TBC1D12: variants seen among roughly 807,000 people sequenced by gnomAD.
The protein encoded by TBC1D12 is TBC1 domain family member 12, also known as TBC1 domain family, member 12.
Under a neutral mutation model 86.7 loss-of-function variants are expected in TBC1D12, and 56 were observed. The observed-to-expected ratio is 0.65, with a 90% CI of 0.52 to 0.81. TBC1D12 has a LOEUF of 0.81. TBC1D12 is among the 30% of genes least tolerant of loss of function. The probability of loss-of-function intolerance (pLI) is 0.00; values close to 1 mark genes in which losing one functional copy is unlikely to be tolerated. For missense variants in TBC1D12, 1,023 were observed against 1,038.8 expected (o/e 0.98, Z 0.21); for synonymous variants, 421 against 411.7 (o/e 1.02, Z -0.27).
chr10:94,426,325 G>C (rs1227386828), intron 1 of TBC1D12, among the ~76,000 whole-genome samples: 2 of 151,914 alleles, frequency 1.3e-5, no homozygotes, highest in Non-Finnish European at 2.9e-5. Context: ...TTTATGTTTT[G>C]GTAGATGCCT....
At chr10:94,425,133 C>T (rs1418041192) in intron 1 of TBC1D12, among the ~76,000 whole-genome samples, 2 of 152,212 alleles carry the variant, frequency 1.3e-5, no homozygotes, top group Non-Finnish European at 2.9e-5. Context: ...ACTCCTCTGG[C>T]ACTACCTCTG....
At chr10:94,478,057 G>A (rs1488806836) in intron 3 of TBC1D12, among the ~76,000 whole-genome samples, 7 of 151,888 alleles carry the variant, frequency 4.6e-5, no homozygotes, top group Admixed American at 4.6e-4. Context: ...GAAGCAGGAG[G>A]ATCGCTTGAG....
At chr10:94,482,675 C>T (rs989376359) in intron 3 of TBC1D12, among the ~76,000 whole-genome samples, 1 of 152,014 alleles carries the variant, frequency 6.6e-6, no homozygotes, top group Non-Finnish European at 1.5e-5. Flanking sequence ...GTTGTGAACT[C>T]CCGACCTCAG....
chr10:94,439,152 C>T, intron 1 of TBC1D12, among the ~76,000 whole-genome samples: 1 of 152,042 alleles, frequency 6.6e-6, no homozygotes. Context: ...GAGACTGACC[C>T]CTAGATCTTT....
chr10:94,497,459 T>A (rs537319175), intron 5 of TBC1D12, among the ~76,000 whole-genome samples: 1 of 151,508 alleles, frequency 6.6e-6, no homozygotes, highest in Non-Finnish European at 1.5e-5. Context: ...CTTTTGTAAA[T>A]CCCTCAGTGT....
chr10:94,403,168 G>C lies in TBC1D12; in HGVS notation c.555G>C (p.Ala185=). ...CTGGCGACGAGGACGCGGACGGCGC[G>C]GGAAGCCCGTCCGATTGGGCCTCTC... ...EGPGDEDADG[A]GSPSDWASPL... is the part of the protein sequence containing the mutation. The change falls in exon 1 of 13, where the codon GCG becomes GCC. Residue 185 remains alanine, a synonymous_variant. Coordinates refer to ENST00000225235, the MANE Select transcript of TBC1D12 (RefSeq NM_015188.2). 1.4e-6 allele frequency: 2 copies of C among 1,454,886 alleles called. No homozygotes were observed. Among genetic ancestry groups the C allele is most frequent in the South Asian group, 1.4e-5 (1 of 71,112 alleles). The allele number at this position is 1,454,886 out of a possible 1,614,324, so 90.1% of individuals were successfully genotyped here. A position where few individuals can be genotyped will look rare whatever the true frequency, so the allele number is the denominator to read the frequency against.
At chr10:94,465,169 T>C (rs1265741045) in intron 2 of TBC1D12, among the ~76,000 whole-genome samples, 2 of 152,254 alleles carry the variant, frequency 1.3e-5, no homozygotes, top group East Asian at 3.8e-4. Flanking sequence ...TTTCTTGCAC[T>C]TTGCATGGAT....
chr10:94,493,406 G>T lies in TBC1D12; in HGVS notation c.1253G>T (p.Arg418Leu), dbSNP rs757453586. 6.2e-7 allele frequency: 1 copy of T among 1,612,700 alleles called. No homozygotes were observed. The highest frequency in any genetic ancestry group is 8.5e-7 in the Non-Finnish European group (1 of 1,179,746). Residue 418 changes from arginine to leucine, a missense_variant, in exon 4 of 13, where the codon CGA (arginine) becomes CTA (leucine). Coordinates refer to ENST00000225235, the MANE Select transcript of TBC1D12 (RefSeq NM_015188.2). Reference sequence around the variant, plus strand: ...TCTGTGGAAGAAGCTTTACGTCACCGACAAGAATACGATGAGATGGTGGCT... The same window carrying T: ...TCTGTGGAAGAAGCTTTACGTCACCTACAAGAATACGATGAGATGGTGGCT... ...AKSVEEALRHRQEYDEMVAEA... is the reference protein window; with the variant it reads ...AKSVEEALRHLQEYDEMVAEA...
At chr10:94,470,647 A>G (rs1035644200) in intron 2 of TBC1D12, among the ~76,000 whole-genome samples, 1 of 145,562 alleles carries the variant, frequency 6.9e-6, no homozygotes, top group Non-Finnish European at 1.5e-5. Flanking sequence ...ATAGGCGTGA[A>G]CCTCTGTGCC....
intron 1 of TBC1D12, among the ~76,000 whole-genome samples, chr10:94,438,147 T>G (rs1187664431): frequency 6.6e-6 from 1 of 152,106 alleles, no homozygotes; most frequent in African/African-American, 2.4e-5. Flanking sequence ...TAATTTTTTG[T>G]TGTTGACAAC....
At position 94,414,320 on chromosome 10, in the gene TBC1D12, C is replaced by G. The variant is rs756505907; in HGVS notation, c.971+10736C>G. ...TTGGAAGGAAGTATAGTACGAGAAA[C>G]TATTAGAGAATGAGTTTGAAGATAT... On this transcript the variant is annotated intron_variant, in intron 1 of 12. Coordinates refer to ENST00000225235, the MANE Select transcript of TBC1D12 (RefSeq NM_015188.2). Among the ~76,000 whole-genome samples, 16 of 152,230 alleles carry G rather than the reference C, an allele frequency of 1.1e-4. No homozygotes were observed. The East Asian group carries it at 1.2e-3, about 11-fold the overall frequency.
At position 94,529,138 on chromosome 10, in the gene TBC1D12, G is replaced by C. The variant is rs556749804; in HGVS notation, c.2001-2064G>C. Among the ~76,000 whole-genome samples the C allele has an allele frequency of 3.3e-5, 5 of 152,006 alleles. No individual in the cohort carries two copies. The South Asian group carries it at 8.3e-4, about 25-fold the overall frequency. The stretch of plus-strand genomic sequence containing the variant: ...CAGTCTGCCCACCTCAGCCTCTCGA[G>C]TATCTGGGGCTACAGGCAAACCACT... On this transcript the variant is annotated intron_variant, in intron 11 of 12. Transcript: ENST00000225235.
chr10:94,435,380 G>C (rs186946538), intron 1 of TBC1D12, among the ~76,000 whole-genome samples: 6 of 152,102 alleles, frequency 3.9e-5, no homozygotes, highest in Admixed American at 1.3e-4. Context: ...GGTTTCTTAG[G>C]TTTTGCTAAG....
chr10:94,506,681 TG>T (rs1253697127), intron 6 of TBC1D12, among the ~76,000 whole-genome samples: 1 of 152,172 alleles, frequency 6.6e-6, no homozygotes, highest in Non-Finnish European at 1.5e-5. Flanking sequence ...TTTTGTTTGT[TG>T]GTGACACACA....
Position 94,521,991 on chromosome 10 carries a change from C to T in TBC1D12, c.1798C>T (p.Leu600Phe). Residue 600 changes from leucine to phenylalanine, a missense_variant, in exon 10 of 13, where the codon CTC (leucine) becomes TTC (phenylalanine). Physicochemically the swap from Leu to Phe is conservative, Grantham distance 22 (BLOSUM62 0). Around this residue, in one of 2 missense-constraint regions of TBC1D12, gnomAD observed 395 missense variants for 507.7 expected, o/e 0.78. Transcript: ENST00000225235. ...GMSFIAAVLI[L>F]NLEEADAFIA... Reference sequence around the variant, plus strand: ...GTCCTTCATTGCAGCAGTACTCATTCTCAATTTGGAAGAGGCAGATGCCTT... The same window carrying T: ...GTCCTTCATTGCAGCAGTACTCATTTTCAATTTGGAAGAGGCAGATGCCTT... The T allele has an allele frequency of 6.2e-7, 1 of 1,612,204 alleles. No homozygotes were observed. The highest frequency in any genetic ancestry group is 8.5e-7 in the Non-Finnish European group (1 of 1,178,740).
chr10:94,523,935 C>T (rs996973650), intron 11 of TBC1D12, among the ~76,000 whole-genome samples: 11 of 152,128 alleles, frequency 7.2e-5, no homozygotes, highest in African/African-American at 2.2e-4. Context: ...CACCACTGTC[C>T]TCCAGCCTGG....
chr10:94,482,159 C>A lies in TBC1D12; in HGVS notation c.1211+7376C>A, dbSNP rs187945732. 5.4e-3 allele frequency among the ~76,000 whole-genome samples: 828 copies of A among 152,242 alleles called. 3 individuals carry two copies. Among genetic ancestry groups the A allele is most frequent in the African/African-American group, 0.014 (575 of 41,534 alleles). ...TTTTCTGCTCCTCTCCCTCCTCCCA[C>A]CCTCCACCCTTAAAGTAGACCCCAG... On this transcript the variant is annotated intron_variant, in intron 3 of 12. Coordinates refer to ENST00000225235, the MANE Select transcript of TBC1D12 (RefSeq NM_015188.2).
intron 3 of TBC1D12, among the ~76,000 whole-genome samples, chr10:94,480,659 C>A (rs1029520538): frequency 7.9e-5 from 12 of 151,398 alleles, no homozygotes; most frequent in African/African-American, 2.7e-4. Flanking sequence ...CAAGACCAGC[C>A]TGGGCAACAC....
chr10:94,478,222 A>G (rs1459916446), intron 3 of TBC1D12, among the ~76,000 whole-genome samples: 3 of 152,154 alleles, frequency 2.0e-5, no homozygotes, highest in Non-Finnish European at 4.4e-5. Flanking sequence ...TGATTGTGCC[A>G]CTGCACTCCA....
Sources: allele counts gnomAD v4.1 joint callset (sites outside exome capture counted in the v4.1 genomes callset), GRCh38; gene constraint gnomAD v4.1.1; regional missense constraint gnomAD v4.1.1; transcripts MANE v1.5; gene names NCBI Gene and HGNC (gene_info 2026-07-23, HGNC 2026-07-21).